Variants in SLC30A8 observed in about 807,000 individuals in gnomAD.
SLC30A8 encodes solute carrier family 30 member 8, also known as proton-coupled zinc antiporter SLC30A8.
SLC30A8 carries 27 observed loss-of-function variants against 36.9 expected under a neutral mutation model. The ratio of observed to expected loss-of-function variants is 0.73; its 90% CI spans 0.54 to 1.01. The LOEUF (loss-of-function observed/expected upper bound fraction) is 1.01, where lower values mean the gene tolerates loss of function less well. Ranked by LOEUF, SLC30A8 falls within the 50% of genes least tolerant of loss-of-function variation. The pLI is 0.00. For synonymous variants in SLC30A8, 164 were observed against 172.4 expected (o/e 0.95, Z 0.38); for missense variants, 439 against 452.0 (o/e 0.97, Z 0.26).
intron 2 of SLC30A8, among the ~76,000 whole-genome samples, chr8:117,127,163 TCGCG>T (rs1424820800): frequency 6.6e-6 from 1 of 152,032 alleles, no homozygotes; most frequent in Non-Finnish European, 1.5e-5. Context: ...TAGCTAAGCA[TCGCG>T]TACCTAATTG....
At chr8:117,140,903 A>G (rs1183897853) in intron 1 of SLC30A8, among the ~76,000 whole-genome samples, 1 of 152,100 alleles carries the variant, frequency 6.6e-6, no homozygotes, top group Admixed American at 6.6e-5. Context: ...TTAATAGTAA[A>G]CTGCATGAAA....
At chr8:116,956,866 A>G (rs1406587663) in intron 1 of SLC30A8, among the ~76,000 whole-genome samples, 1 of 152,244 alleles carries the variant, frequency 6.6e-6, no homozygotes, top group Non-Finnish European at 1.5e-5. Flanking sequence ...AATGACTGGT[A>G]CCAATTACAA....
chr8:117,118,107 G>T (rs1276811933), intron 2 of SLC30A8, among the ~76,000 whole-genome samples: 1 of 147,506 alleles, frequency 6.8e-6, no homozygotes, highest in Non-Finnish European at 1.5e-5. Flanking sequence ...AGACTTAGCT[G>T]TTGCAAATTT....
chr8:117,059,096 G>A (rs779152711), intron 2 of SLC30A8, among the ~76,000 whole-genome samples: 8 of 152,144 alleles, frequency 5.3e-5, no homozygotes, highest in Non-Finnish European at 8.8e-5. Context: ...TTGAAGTCAC[G>A]TTTATGGGAG....
At chr8:116,960,991 AG>A (rs2130592620) in intron 1 of SLC30A8, among the ~76,000 whole-genome samples, 1 of 152,130 alleles carries the variant, frequency 6.6e-6, no homozygotes, top group South Asian at 2.1e-4. Context: ...TTAGTACAGA[AG>A]GAAGGAAGGA....
At position 116,976,789 on chromosome 8, in the gene SLC30A8, C is replaced by A. The variant is rs1378439410; in HGVS notation, c.-266+25670C>A. Among the ~76,000 whole-genome samples the A allele has an allele frequency of 2.1e-5, 3 of 144,800 alleles. No individual in the cohort carries two copies. The East Asian group carries it at 6.1e-4, about 29-fold the overall frequency. The allele number at this position is 144,800 out of a possible 152,430, so 95.0% of individuals were successfully genotyped here. A position where few individuals can be genotyped will look rare whatever the true frequency, so the allele number is the denominator to read the frequency against. On this transcript the variant is annotated intron_variant, in intron 1 of 10. Transcript: ENST00000427715. ...TGTGGACCAGGGGATGCTGAGTTTC[C>A]CCTTTTATTTTTCTTTCTTTCTTTC...
At chr8:116,970,874 C>G (rs1007501272) in intron 1 of SLC30A8, among the ~76,000 whole-genome samples, 1 of 152,150 alleles carries the variant, frequency 6.6e-6, no homozygotes, top group Non-Finnish European at 1.5e-5. Context: ...ACAGGTGGAT[C>G]ACCTGAGGTC....
intron 2 of SLC30A8, among the ~76,000 whole-genome samples, chr8:117,097,322 C>T (rs749036361): frequency 1.1e-4 from 14 of 130,550 alleles, no homozygotes; most frequent in Middle Eastern, 4.7e-3. Flanking sequence ...TGGCGTTTAC[C>T]GGGGGTGGAG....
intron 1 of SLC30A8, among the ~76,000 whole-genome samples, chr8:116,968,565 G>C (rs1274470942): frequency 9.2e-5 from 14 of 151,474 alleles, no homozygotes; most frequent in Non-Finnish European, 1.8e-4. Flanking sequence ...ATTGGCTAAA[G>C]TAAATCACAT....
intron 2 of SLC30A8, among the ~76,000 whole-genome samples, chr8:117,069,098 T>A (rs1818252873): frequency 6.6e-6 from 1 of 152,164 alleles, no homozygotes; most frequent in African/African-American, 2.4e-5. Context: ...CTTTGAGTAA[T>A]TTTTTACTTT....
chr8:117,168,352 G>A (rs1480518665), intron 6 of SLC30A8, among the ~76,000 whole-genome samples: 4 of 151,960 alleles, frequency 2.6e-5, no homozygotes, highest in Non-Finnish European at 5.9e-5. Flanking sequence ...TACTCTAATA[G>A]GTGAAATATT....
chr8:116,991,754 T>C (rs2130664971), intron 1 of SLC30A8, among the ~76,000 whole-genome samples: 1 of 152,320 alleles, frequency 6.6e-6, no homozygotes, highest in Non-Finnish European at 1.5e-5. Context: ...CTTGCTGATA[T>C]TTGTCAGTAC....
intron 1 of SLC30A8, among the ~76,000 whole-genome samples, chr8:117,012,861 A>T (rs1399563590): frequency 6.6e-6 from 1 of 151,940 alleles, no homozygotes; most frequent in Non-Finnish European, 1.5e-5. Flanking sequence ...TTTGCACTTC[A>T]GAGAAACTCA....
At chr8:117,168,045 A>G (rs1024014413) in intron 6 of SLC30A8, among the ~76,000 whole-genome samples, 6 of 152,088 alleles carry the variant, frequency 3.9e-5, no homozygotes, top group African/African-American at 1.4e-4. Context: ...CAGATCTGTG[A>G]GACTTATTCA....
At chr8:117,062,177 G>A (rs1818038755) in intron 2 of SLC30A8, among the ~76,000 whole-genome samples, 1 of 152,206 alleles carries the variant, frequency 6.6e-6, no homozygotes, top group Non-Finnish European at 1.5e-5. Flanking sequence ...AGGGACAGAG[G>A]CAGTCTTAGT....
chr8:117,145,830 A>C (rs1821870131), intron 1 of SLC30A8, among the ~76,000 whole-genome samples: 1 of 152,152 alleles, frequency 6.6e-6, no homozygotes, highest in Non-Finnish European at 1.5e-5. Context: ...CAGCCAAGAA[A>C]TATGGGGTTG....
intron 1 of SLC30A8, among the ~76,000 whole-genome samples, chr8:117,012,273 T>C (rs566057820): frequency 6.6e-6 from 1 of 152,302 alleles, no homozygotes; most frequent in Non-Finnish European, 1.5e-5. Context: ...AATGTGTACA[T>C]TTTCTTTTGT....
At chr8:116,998,084 G>A (rs1014888541) in intron 1 of SLC30A8, among the ~76,000 whole-genome samples, 7 of 152,172 alleles carry the variant, frequency 4.6e-5, no homozygotes, top group African/African-American at 1.7e-4. Context: ...GACTTATTCA[G>A]CAGGCATAAA....
chr8:117,009,387 A>G (rs1045653359), intron 1 of SLC30A8, among the ~76,000 whole-genome samples: 1 of 152,242 alleles, frequency 6.6e-6, no homozygotes, highest in African/African-American at 2.4e-5. Context: ...TGAAAATTCT[A>G]AAAGGACCAA....
Sources: allele counts gnomAD v4.1 joint callset (sites outside exome capture counted in the v4.1 genomes callset), GRCh38; gene constraint gnomAD v4.1.1; transcripts MANE v1.5; gene names NCBI Gene and HGNC (gene_info 2026-07-23, HGNC 2026-07-21).